Variants in SPAG16 observed in about 807,000 individuals in gnomAD.
The protein encoded by SPAG16 is sperm associated antigen 16, also known as sperm-associated antigen 16 protein.
SPAG16 carries 86 observed loss-of-function variants against 80.4 expected under a neutral mutation model. That is an observed-to-expected ratio of 1.07 (90% CI 0.90 to 1.28). The LOEUF is 1.28. SPAG16 is among the 50% of genes most tolerant of loss of function. The pLI is 0.00. For missense variants in SPAG16, 870 were observed against 765.3 expected (o/e 1.14, Z -1.61); for synonymous variants, 294 against 265.9 (o/e 1.11, Z -1.03).
intron 9 of SPAG16, among the ~76,000 whole-genome samples, chr2:213,411,938 C>T (rs1280194502): frequency 6.6e-6 from 1 of 151,764 alleles, no homozygotes; most frequent in Non-Finnish European, 1.5e-5. Context: ...ATAAAGAATA[C>T]AAGGGGAAGG....
At chr2:213,961,515 T>C (rs1382354062) in intron 12 of SPAG16, among the ~76,000 whole-genome samples, 9 of 139,590 alleles carry the variant, frequency 6.4e-5, no homozygotes. Context: ...TTATTAAATA[T>C]GTTGTTAGCT....
At chr2:213,466,758 C>T (rs916435141) in intron 9 of SPAG16, among the ~76,000 whole-genome samples, 2 of 152,146 alleles carry the variant, frequency 1.3e-5, no homozygotes, top group South Asian at 4.1e-4. Flanking sequence ...CAGATAATGT[C>T]ATCTACATAT....
At chr2:213,663,043 C>T (rs565954428) in intron 10 of SPAG16, among the ~76,000 whole-genome samples, 1 of 152,110 alleles carries the variant, frequency 6.6e-6, no homozygotes, top group Admixed American at 6.6e-5. Flanking sequence ...AGATGGACAT[C>T]AATCTGAAAT....
At chr2:213,814,103 T>C (rs988369354) in intron 10 of SPAG16, among the ~76,000 whole-genome samples, 19 of 152,294 alleles carry the variant, frequency 1.2e-4, no homozygotes, top group Admixed American at 1.1e-3. Context: ...GACATTTTTA[T>C]GGGAACAGTC....
In SPAG16 at chr2:213,793,430, C is replaced by T. The variant is rs141301549; in HGVS notation, c.1071-69055C>T. 1.6e-3 allele frequency among the ~76,000 whole-genome samples: 250 copies of T among 152,232 alleles called. 1 individual carries two copies. Among genetic ancestry groups the T allele is most frequent in the African/African-American group, 5.3e-3 (220 of 41,542 alleles). On this transcript the variant is annotated intron_variant, in intron 10 of 15. Coordinates refer to ENST00000331683, the MANE Select transcript of SPAG16 (RefSeq NM_024532.5). Reference sequence around the variant, plus strand: ...AAAGAGTTATAGGTACATGCCACTCCTTCTGCTTACCTTCCAGTTACTCTG... The same window carrying T: ...AAAGAGTTATAGGTACATGCCACTCTTTCTGCTTACCTTCCAGTTACTCTG...
intron 15 of SPAG16, among the ~76,000 whole-genome samples, chr2:214,218,717 A>T (rs1333691567): frequency 6.6e-6 from 1 of 152,196 alleles, no homozygotes; most frequent in African/African-American, 2.4e-5. Context: ...TTACAGTTTC[A>T]CAAGTGACAT....
At chr2:214,111,226 A>G (rs531060676) in intron 14 of SPAG16, among the ~76,000 whole-genome samples, 1 of 152,276 alleles carries the variant, frequency 6.6e-6, no homozygotes, top group Admixed American at 6.5e-5. Flanking sequence ...CCTGAATGGT[A>G]TTCCCTAGGT....
chr2:214,193,630 G>A (rs936829678), intron 15 of SPAG16, among the ~76,000 whole-genome samples: 3 of 151,842 alleles, frequency 2.0e-5, no homozygotes, highest in Non-Finnish European at 2.9e-5. Flanking sequence ...TCTGTCATGG[G>A]TAGCTACCTG....
At chr2:213,747,408 C>T (rs1014826903) in intron 10 of SPAG16, among the ~76,000 whole-genome samples, 1 of 151,970 alleles carries the variant, frequency 6.6e-6, no homozygotes, top group Non-Finnish European at 1.5e-5. Context: ...TTTATAAAGT[C>T]GATAGTAATG....
At chr2:213,344,973 T>C (rs1575285728) in intron 6 of SPAG16, among the ~76,000 whole-genome samples, 2 of 152,212 alleles carry the variant, frequency 1.3e-5, no homozygotes, top group Admixed American at 6.5e-5. Context: ...TCCACAATGG[T>C]TGAACTAGTT....
chr2:213,805,280 G>T (rs1418693537), intron 10 of SPAG16, among the ~76,000 whole-genome samples: 2 of 152,094 alleles, frequency 1.3e-5, no homozygotes, highest in Non-Finnish European at 2.9e-5. Flanking sequence ...GAAAGGAGAG[G>T]CCAGTCTTGG....
chr2:214,380,408 T>G (rs1439713628), intron 15 of SPAG16, among the ~76,000 whole-genome samples: 1 of 152,226 alleles, frequency 6.6e-6, no homozygotes, highest in Non-Finnish European at 1.5e-5. Flanking sequence ...TTACATTTTA[T>G]GTAGTCCTGT....
chr2:213,867,395 G>A (rs1340969480), intron 11 of SPAG16, among the ~76,000 whole-genome samples: 1 of 152,182 alleles, frequency 6.6e-6, no homozygotes, highest in Non-Finnish European at 1.5e-5. Flanking sequence ...ATACCCTTGT[G>A]CAAGGTAGAG....
chr2:213,653,750 T>C (rs891385233), intron 10 of SPAG16, among the ~76,000 whole-genome samples: 1 of 152,180 alleles, frequency 6.6e-6, no homozygotes, highest in East Asian at 1.9e-4. Context: ...TTTTTTTCCT[T>C]TGGAACTATA....
intron 10 of SPAG16, among the ~76,000 whole-genome samples, chr2:213,584,454 A>G (rs2060397123): frequency 6.6e-6 from 1 of 152,162 alleles, no homozygotes; most frequent in Non-Finnish European, 1.5e-5. Flanking sequence ...GTTCTAATAT[A>G]TAGTAAAAAT....
intron 12 of SPAG16, among the ~76,000 whole-genome samples, chr2:213,987,890 A>T (rs1293405362): frequency 7.2e-6 from 1 of 138,138 alleles, no homozygotes; most frequent in African/African-American, 3.2e-5. Flanking sequence ...ATATAAACAT[A>T]TTTGTATAAA....
chr2:214,038,075 T>C (rs1377862337), intron 13 of SPAG16, among the ~76,000 whole-genome samples: 8 of 152,168 alleles, frequency 5.3e-5, no homozygotes, highest in Non-Finnish European at 4.4e-5. Flanking sequence ...ATGTCTAATG[T>C]CAGCTCTGTT....
chr2:213,599,336 A>G (rs2060985009), intron 10 of SPAG16, among the ~76,000 whole-genome samples: 1 of 152,204 alleles, frequency 6.6e-6, no homozygotes, highest in South Asian at 2.1e-4. Context: ...GACATAAACT[A>G]CAGTTGTCCC....
chr2:213,959,810 CA>C (rs1451426773), intron 12 of SPAG16, among the ~76,000 whole-genome samples: 1 of 152,202 alleles, frequency 6.6e-6, no homozygotes, highest in Non-Finnish European at 1.5e-5. Flanking sequence ...ACCTGACACG[CA>C]CACACACCTA....
Sources: gnomAD v4.1 joint callset for allele counts (sites outside exome capture counted in the v4.1 genomes callset) on GRCh38, gnomAD v4.1.1 for gene constraint, MANE v1.5 for transcripts, NCBI Gene and HGNC (gene_info 2026-07-23, HGNC 2026-07-21) for gene names.